ZNF892: variants seen among roughly 807,000 people sequenced by gnomAD.
The protein encoded by ZNF892 is zinc finger protein 892, also known as zinc finger protein 570-like.
chr2:95,207,587 C>A, the ZNF892 span: 1 of 385,808 alleles, frequency 2.6e-6, no homozygotes, highest in Non-Finnish European at 4.6e-6. Context: ...TGTCGTCGGG[C>A]TCGGCTTCCT....
At chr2:95,253,897 A>T in the ZNF892 span, among the ~76,000 whole-genome samples, 6 of 152,182 alleles carry the variant, frequency 3.9e-5, no homozygotes, top group Non-Finnish European at 7.3e-5. Flanking sequence ...TTATTGGTGT[A>T]TAAGAATGCT....
the ZNF892 span, among the ~76,000 whole-genome samples, chr2:95,254,250 G>A: frequency 4.6e-5 from 7 of 152,242 alleles, no homozygotes; most frequent in East Asian, 3.9e-4. Context: ...TTTGAGATAC[G>A]TCCCATCAAT....
chr2:95,219,516 T>C, the ZNF892 span, among the ~76,000 whole-genome samples: 1 of 152,236 alleles, frequency 6.6e-6, no homozygotes, highest in Non-Finnish European at 1.5e-5. Context: ...ATTTTTGTGA[T>C]GGCTGCTTTA....
At chr2:95,247,929 C>T in the ZNF892 span, among the ~76,000 whole-genome samples, 1 of 152,264 alleles carries the variant, frequency 6.6e-6, no homozygotes, top group South Asian at 2.1e-4. Context: ...AGCAGTTTGG[C>T]GATTTCTTGG....
chr2:95,245,632 A>G, the ZNF892 span, among the ~76,000 whole-genome samples: 15 of 152,026 alleles, frequency 9.9e-5, no homozygotes, highest in African/African-American at 3.4e-4. Flanking sequence ...TAGACTATAA[A>G]GAAGAAAAGA....
chr2:95,248,176 T>C, the ZNF892 span, among the ~76,000 whole-genome samples: 1 of 152,172 alleles, frequency 6.6e-6, no homozygotes. Context: ...TAAAATTATG[T>C]CCTTCGCAGC....
the ZNF892 span, among the ~76,000 whole-genome samples, chr2:95,206,509 T>G: frequency 6.6e-6 from 1 of 151,966 alleles, no homozygotes; most frequent in African/African-American, 2.4e-5. Flanking sequence ...AGTAAAAACA[T>G]GCCAAAATCA....
the ZNF892 span, among the ~76,000 whole-genome samples, chr2:95,256,262 G>A: frequency 6.6e-6 from 1 of 152,262 alleles, no homozygotes. Context: ...TTTAGGGCAG[G>A]CCTGGTGATG....
At chr2:95,258,406 T>TG in the ZNF892 span, among the ~76,000 whole-genome samples, 1 of 152,126 alleles carries the variant, frequency 6.6e-6, no homozygotes, top group South Asian at 2.1e-4. Flanking sequence ...GAGCAAGGGT[T>TG]GGGGGCTACA....
At chr2:95,221,538 G>T in the ZNF892 span, among the ~76,000 whole-genome samples, 1 of 152,164 alleles carries the variant, frequency 6.6e-6, no homozygotes, top group Admixed American at 6.5e-5. Flanking sequence ...TTTGTAGTGT[G>T]TGGTATGGTT....
At chr2:95,215,711 C>G in the ZNF892 span, 1 of 397,436 alleles carries the variant, frequency 2.5e-6, no homozygotes, top group Non-Finnish European at 4.4e-6. Context: ...AAGTTATTGA[C>G]AAGTCATTGC....
At chr2:95,218,661 GC>G in the ZNF892 span, among the ~76,000 whole-genome samples, 1 of 152,150 alleles carries the variant, frequency 6.6e-6, no homozygotes, top group Non-Finnish European at 1.5e-5. Context: ...TGCTTGGTCT[GC>G]CATAACAAAA....
the ZNF892 span, among the ~76,000 whole-genome samples, chr2:95,236,671 T>C: frequency 6.6e-5 from 10 of 152,226 alleles, no homozygotes; most frequent in African/African-American, 2.2e-4. Flanking sequence ...AACACTTTTG[T>C]CTGTAGCTGG....
the ZNF892 span, among the ~76,000 whole-genome samples, chr2:95,241,667 A>G: frequency 3.3e-5 from 5 of 152,192 alleles, no homozygotes; most frequent in Non-Finnish European, 7.4e-5. Flanking sequence ...AGACAGAAGT[A>G]GGCTTCAGAA....
At chr2:95,258,951 G>A in the ZNF892 span, 11 of 152,256 alleles carry the variant, frequency 7.2e-5, no homozygotes, top group Admixed American at 1.3e-4. Context: ...GATCAAAGGC[G>A]GAAAGAAATG....
the ZNF892 span, among the ~76,000 whole-genome samples, chr2:95,218,677 G>A: frequency 1.4e-4 from 22 of 152,238 alleles, no homozygotes; most frequent in African/African-American, 3.9e-4. Flanking sequence ...ACAAAAATCC[G>A]TAGACTGGGC....
chr2:95,251,714 C>T, the ZNF892 span, among the ~76,000 whole-genome samples: 32 of 152,240 alleles, frequency 2.1e-4, no homozygotes, highest in African/African-American at 6.5e-4. Flanking sequence ...TGACCACTTG[C>T]GTCCCTATCT....
the ZNF892 span, chr2:95,207,910 G>T: frequency 5.0e-6 from 2 of 398,268 alleles, no homozygotes; most frequent in African/African-American, 2.1e-5. Context: ...TCTGGCTGGC[G>T]CAGGCTCAGG....
At chr2:95,245,975 A>C in the ZNF892 span, among the ~76,000 whole-genome samples, 1 of 152,130 alleles carries the variant, frequency 6.6e-6, no homozygotes, top group East Asian at 1.9e-4. Flanking sequence ...GAAAGTATTC[A>C]AAAAAATCGA....
Sources: allele counts gnomAD v4.1 joint callset (sites outside exome capture counted in the v4.1 genomes callset), GRCh38; gene constraint gnomAD v4.1.1; transcripts MANE v1.5; gene names NCBI Gene and HGNC (gene_info 2026-07-23, HGNC 2026-07-21).